Variants in SEMA4D observed in about 807,000 individuals in gnomAD.
The protein encoded by SEMA4D is semaphorin-4D.
Under a neutral mutation model 74.8 loss-of-function variants are expected in SEMA4D, and 22 were observed. The ratio of observed to expected loss-of-function variants is 0.29; its 90% CI spans 0.21 to 0.42. SEMA4D has a LOEUF of 0.42. Among genes scored for constraint, SEMA4D ranks in the 10% least tolerant of loss-of-function variants. The pLI is 1.00. For synonymous variants in SEMA4D, 445 were observed against 463.7 expected (o/e 0.96, Z 0.52); for missense variants, 937 against 1,118.4 (o/e 0.84, Z 2.31).
At chr9:89,385,106 T>G (rs1206064185) in intron 13 of SEMA4D, 1 of 954,886 alleles carries the variant, frequency 1.0e-6, no homozygotes, top group East Asian at 1.2e-4. Flanking sequence ...GGTGTGGCCA[T>G]GTGACCGAGT....
At chr9:89,456,039 C>T (rs1389395482) in intron 1 of SEMA4D, 86 bp from the exon 2 acceptor site, 1 of 152,264 alleles carries the variant, frequency 6.6e-6, no homozygotes, top group African/African-American at 2.4e-5. Flanking sequence ...TTCCATACCC[C>T]AACCCTGTGC....
chr9:89,385,876 C>T, intron 13 of SEMA4D: 1 of 289,568 alleles, frequency 3.5e-6, no homozygotes, highest in Non-Finnish European at 5.0e-6. Flanking sequence ...GCCCGCCCAC[C>T]CACCCCTGCC....
At chr9:89,451,502 G>GT (rs1564836239) in intron 2 of SEMA4D, among the ~76,000 whole-genome samples, 1 of 152,144 alleles carries the variant, frequency 6.6e-6, no homozygotes, top group African/African-American at 2.4e-5. Flanking sequence ...AGCTCAACTG[G>GT]ATTTGTTCCC....
intron 2 of SEMA4D, chr9:89,450,447 G>A (rs1222346195): frequency 3.6e-5 from 50 of 1,398,764 alleles, no homozygotes; most frequent in Admixed American, 2.4e-4. Context: ...GGTGGAGTGC[G>A]CCAAACATGA....
intron 1 of SEMA4D, among the ~76,000 whole-genome samples, chr9:89,493,686 C>A (rs1258011116): frequency 6.6e-6 from 1 of 152,190 alleles, no homozygotes; most frequent in Non-Finnish European, 1.5e-5. Flanking sequence ...AAAACTGTTA[C>A]AATTCTAAGC....
chr9:89,405,653 C>T lies in SEMA4D; in HGVS notation c.-197G>A. The T allele has an allele frequency of 2.1e-6, 3 of 1,425,940 alleles. No homozygotes were observed. The highest frequency in any genetic ancestry group is 9.1e-7 in the Non-Finnish European group (1 of 1,094,054). The allele number at this position is 1,425,940 out of a possible 1,614,324, so 88.3% of individuals were successfully genotyped here. ...TGAGGAGGGGTCGCTCTCACCACCG[C>T]AATGTCAAAGCCCACTTGATACTTC... On this transcript the variant is annotated 5_prime_UTR_variant, in exon 3 of 16. Coordinates refer to ENST00000422704, the MANE Select transcript of SEMA4D (RefSeq NM_001371194.2).
chr9:89,467,917 G>A (rs933160978), intron 1 of SEMA4D, among the ~76,000 whole-genome samples: 2 of 152,228 alleles, frequency 1.3e-5, no homozygotes, highest in Non-Finnish European at 2.9e-5. Context: ...CTCAGGCTTG[G>A]AGAGCAGCCC....
At chr9:89,441,773 G>A (rs1375140247) in intron 2 of SEMA4D, among the ~76,000 whole-genome samples, 1 of 152,118 alleles carries the variant, frequency 6.6e-6, no homozygotes, top group Non-Finnish European at 1.5e-5. Context: ...TCCTGCCTGG[G>A]CCCTAACCCC....
Position 89,381,069 on chromosome 9 carries a change from G to A in SEMA4D, c.1649C>T (p.Ala550Val), listed in dbSNP as rs1836922969. 3 of 1,614,134 alleles carry A rather than the reference G, an allele frequency of 1.9e-6. No homozygotes were observed. The highest frequency in any genetic ancestry group is 2.5e-6 in the Non-Finnish European group (3 of 1,180,040). Residue 550 changes from alanine to valine, a missense_variant, in exon 15 of 16, where the codon GCT becomes GTT. Physicochemically the swap from Ala to Val is moderately conservative, Grantham distance 64. Transcript: ENST00000422704. The surrounding 1 kb of genome is among the most constrained non-coding windows in gnomAD (Gnocchi z 4.6). ...GAGTCACTCACCCGGGCACACAGAA[G>A]CATCGCCGCTCATCTCCTGAATCAA... ...RGLIQEMSGD[A>V]SVCPDKSKGS... is the part of the protein sequence containing the mutation.
At chr9:89,475,689 G>C (rs1003711989) in intron 1 of SEMA4D, among the ~76,000 whole-genome samples, 1 of 152,132 alleles carries the variant, frequency 6.6e-6, no homozygotes, top group Non-Finnish European at 1.5e-5. Flanking sequence ...TGTTTCTCCC[G>C]CCTCGCTGTG....
intron 12 of SEMA4D, 164 bp downstream of exon 12, chr9:89,387,222 G>A (rs888079214): frequency 4.5e-5 from 27 of 600,646 alleles, no homozygotes; most frequent in Admixed American, 9.5e-5. Flanking sequence ...GCCACCTGGT[G>A]TGGTGACTTC....
chr9:89,407,235 T>C, intron 2 of SEMA4D, among the ~76,000 whole-genome samples: 1 of 152,146 alleles, frequency 6.6e-6, no homozygotes, highest in Non-Finnish European at 1.5e-5. Context: ...CCAAAAAAAC[T>C]GTATGTGGAA....
At chr9:89,392,389 G>A (rs370328719) in intron 8 of SEMA4D, 34 bp downstream of exon 8, 42 of 1,459,610 alleles carry the variant, frequency 2.9e-5, no homozygotes, top group Middle Eastern at 1.9e-4. Context: ...GAGGAGACAC[G>A]CACCTCCCAC....
rs1491451024 is a variant in SEMA4D at position 89,450,660 on chromosome 9, G to GGAAAAAAAAAAAAAAAA, written c.-244+5227_-244+5228insTTTTTTTTTTTTTTTTC. The stretch of plus-strand genomic sequence containing the variant: ...GAGTTCTGCAAGTCGAAAAACCCAG[G>GGAAAAAAAAAAAAAAAA]AAAAAAAAAAAAAAAAAAAAAAAAA... On this transcript the variant is annotated intron_variant, in intron 2 of 15. Coordinates refer to ENST00000422704, the MANE Select transcript of SEMA4D (RefSeq NM_001371194.2). 2.3e-3 allele frequency: 1,007 copies of GGAAAAAAAAAAAAAAAA among 430,244 alleles called. 122 individuals carry two copies. The highest frequency in any genetic ancestry group is 2.9e-3 in the Middle Eastern group (4 of 1,362). 26.7% of individuals were successfully genotyped at this position (430,244 alleles called of 1,614,324 possible).
chr9:89,489,680 C>T (rs888633979), intron 1 of SEMA4D, among the ~76,000 whole-genome samples: 3 of 152,198 alleles, frequency 2.0e-5, no homozygotes, highest in African/African-American at 7.2e-5. Flanking sequence ...CATGTATCAG[C>T]GCTTCACTCC....
intron 4 of SEMA4D, among the ~76,000 whole-genome samples, chr9:89,401,232 G>T (rs1225296763): frequency 6.6e-6 from 1 of 151,662 alleles, no homozygotes; most frequent in Non-Finnish European, 1.5e-5. Context: ...ATTTTTTGCA[G>T]TTTTTGTAGA....
chr9:89,430,344 T>C (rs1849000692), intron 2 of SEMA4D, among the ~76,000 whole-genome samples: 1 of 152,150 alleles, frequency 6.6e-6, no homozygotes, highest in Non-Finnish European at 1.5e-5. Flanking sequence ...TGGACCCCAC[T>C]TACTGGGTGA....
chr9:89,483,635 T>C (rs950422073), intron 1 of SEMA4D, among the ~76,000 whole-genome samples: 9 of 152,118 alleles, frequency 5.9e-5, no homozygotes, highest in African/African-American at 2.2e-4. Flanking sequence ...GCAAACACAG[T>C]TTTTCAACAA....
chr9:89,468,257 GAC>G (rs1180162527), intron 1 of SEMA4D, among the ~76,000 whole-genome samples: 2 of 152,146 alleles, frequency 1.3e-5, no homozygotes, highest in Non-Finnish European at 2.9e-5. Context: ...ACCCCAGCAT[GAC>G]ACAGATTTTT....
Sources: allele counts gnomAD v4.1 joint callset (sites outside exome capture counted in the v4.1 genomes callset), GRCh38; gene constraint gnomAD v4.1.1; non-coding constraint Gnocchi (gnomAD v3.1); transcripts MANE v1.5; gene names NCBI Gene and HGNC (gene_info 2026-07-23, HGNC 2026-07-21).